Variants in MARF1 observed in about 807,000 individuals in gnomAD.
MARF1 encodes the protein limkain-b1.
Under a neutral mutation model 168.2 loss-of-function variants are expected in MARF1, and 24 were observed. The observed-to-expected ratio is 0.14, with a 90% CI of 0.10 to 0.20. The LOEUF is 0.20. Among genes scored for constraint, MARF1 ranks in the 10% least tolerant of loss-of-function variants. MARF1 has a pLI of 1.00. For synonymous variants in MARF1, 868 were observed against 822.4 expected, an observed-to-expected ratio of 1.06 and a Z score of -0.95; for missense variants, 1,744 against 2,143.6, an observed-to-expected ratio of 0.81 and a Z score of 3.68.
Position 15,596,493 on chromosome 16 carries a change from G to A in MARF1, c.*200C>T, listed in dbSNP as rs2031696917. ...TTCTTCAAATAATTGAAAAAAGAAAGAAAAAGGAAGAAGAAAAGAAAGACT... is the reference window on the plus strand; with the variant it reads ...TTCTTCAAATAATTGAAAAAAGAAAAAAAAAGGAAGAAGAAAAGAAAGACT... On this transcript the variant is annotated 3_prime_UTR_variant, in exon 27 of 27. Transcript: ENST00000396368. 1 of 431,400 alleles carries A rather than the reference G, an allele frequency of 2.3e-6. No individual in the cohort carries two copies. Among genetic ancestry groups the A allele is most frequent in the Non-Finnish European group, 4.0e-6 (1 of 251,140 alleles). The allele number at this position is 431,400 out of a possible 1,614,324, so 26.7% of individuals were successfully genotyped here. A position where few individuals can be genotyped will look rare whatever the true frequency, so the allele number is the denominator to read the frequency against.
rs2035795939 is a variant in MARF1 at position 15,639,310 on chromosome 16, A to T, written c.-58-19T>A. The T allele has an allele frequency of 6.7e-7, 1 of 1,490,882 alleles. No homozygotes were observed. 92.4% of individuals were successfully genotyped at this position (1,490,882 alleles called of 1,614,324 possible). A position where few individuals can be genotyped will look rare whatever the true frequency, so the allele number is the denominator to read the frequency against. On this transcript the variant is annotated intron_variant, in intron 1 of 26. Transcript: ENST00000396368. ...TTCCACCCTGTTAAGAATGAGTAAG[A>T]TTTCAGTGTTATTTCCTTGCATAAG...
intron 2 of MARF1, among the ~76,000 whole-genome samples, chr16:15,637,362 C>G (rs2035667178): frequency 6.6e-6 from 1 of 152,206 alleles, no homozygotes; most frequent in Non-Finnish European, 1.5e-5. Flanking sequence ...ATATGAGGGT[C>G]CATCTGACGC....
chr16:15,596,701 T>C lies in MARF1; in HGVS notation c.5221A>G (p.Lys1741Glu). The C allele has an allele frequency of 6.3e-7, 1 of 1,583,662 alleles. No individual in the cohort carries two copies. Among genetic ancestry groups the C allele is most frequent in the Non-Finnish European group, 8.6e-7 (1 of 1,159,234 alleles). The change falls in exon 27 of 27, where the codon AAG becomes GAG. Residue 1741 changes from lysine (K) to glutamate (E), a missense_variant. Around this residue, in one of 7 missense-constraint regions of MARF1, gnomAD observed 313 missense variants for 337.4 expected, o/e 0.93. Coordinates refer to ENST00000396368, the MANE Select transcript of MARF1 (RefSeq NM_014647.4). ...TATATTCCAAATGGGAGTTAAAGCT[T>C]GGTTATAGGTGCTAAGGAAAAGTTG... ...AANFSLAPIT[K>E]L
intron 12 of MARF1, chr16:15,621,426 T>C (rs2034454247): frequency 5.7e-6 from 2 of 350,086 alleles, no homozygotes; most frequent in Non-Finnish European, 5.2e-6. Context: ...CAAGGTAATA[T>C]TTTAGACTTT....
At position 15,596,238 on chromosome 16, in the gene MARF1, G is replaced by A. The variant is rs2031667973; in HGVS notation, c.*455C>T. On this transcript the variant is annotated 3_prime_UTR_variant, in exon 27 of 27. Coordinates refer to ENST00000396368, the MANE Select transcript of MARF1 (RefSeq NM_014647.4). Reference sequence around the variant, plus strand: ...CTAGCGGGACAGGCTTTGCTTCAAAGACATGCCACGCACTGGGTTAATACT... The same window carrying A: ...CTAGCGGGACAGGCTTTGCTTCAAAAACATGCCACGCACTGGGTTAATACT... The A allele has an allele frequency of 6.5e-6, 1 of 153,052 alleles. No individual in the cohort carries two copies. The highest frequency in any genetic ancestry group is 2.4e-5 in the African/African-American group (1 of 41,446). 9.5% of individuals were successfully genotyped at this position (153,052 alleles called of 1,614,324 possible).
chr16:15,609,936 A>T (rs1183617182), intron 19 of MARF1, among the ~76,000 whole-genome samples: 2 of 152,124 alleles, frequency 1.3e-5, no homozygotes, highest in African/African-American at 2.4e-5. Context: ...AAGTTATGAT[A>T]TTATTATATT....
rs2035553873 is a variant in MARF1 at position 15,635,807 on chromosome 16, G to C, written c.680C>G (p.Ser227Cys). 1.2e-6 allele frequency: 2 copies of C among 1,614,200 alleles called. No homozygotes were observed. The highest frequency in any genetic ancestry group is 1.7e-6 in the Non-Finnish European group (2 of 1,180,028). Residue 227 changes from serine (S) to cysteine (C), a missense_variant, in exon 3 of 27, where the codon TCT (serine) becomes TGT (cysteine). Ser to Cys is a moderately radical substitution (Grantham distance 112). Around this residue, in one of 7 missense-constraint regions of MARF1, gnomAD observed 318 missense variants for 336.6 expected, o/e 0.94. Transcript: ENST00000396368. ...CCCTGGAGCCCCGCTTGTGAAATCA[G>C]AACAGGGGAAATAGCCAGCGGAGGT... ...GCTSAGYFPC[S>C]DFTSGAPGHL...
At chr16:15,630,605 G>A in intron 6 of MARF1, 101 bp from the exon 7 acceptor site, 2 of 1,067,070 alleles carry the variant, frequency 1.9e-6, no homozygotes, top group Non-Finnish European at 2.6e-6. Flanking sequence ...AGGAAAGGCT[G>A]GACTATATTC....
At chr16:15,623,190 A>G (rs1002781252) in intron 10 of MARF1, 67 bp from the exon 11 acceptor site, 61 of 1,271,328 alleles carry the variant, frequency 4.8e-5, no homozygotes, top group Non-Finnish European at 6.2e-5. Flanking sequence ...TTTATCATTT[A>G]GGCTTTGTTT....
At chr16:15,623,366 A>G (rs1343427041) in intron 10 of MARF1, among the ~76,000 whole-genome samples, 1 of 128,598 alleles carries the variant, frequency 7.8e-6, no homozygotes, top group East Asian at 2.3e-4. Flanking sequence ...TGCAACCTCC[A>G]CCTCCTGGAT....
intron 23 of MARF1, chr16:15,601,000 T>G (rs1319459336): frequency 4.7e-6 from 3 of 639,974 alleles, no homozygotes; most frequent in South Asian, 4.5e-5. Flanking sequence ...TAAATTAAGG[T>G]AGTTCTCACA....
At chr16:15,637,751 C>T (rs2151313895) in intron 2 of MARF1, among the ~76,000 whole-genome samples, 1 of 152,358 alleles carries the variant, frequency 6.6e-6, no homozygotes, top group Non-Finnish European at 1.5e-5. Context: ...CCAACCCTCA[C>T]TGTCAACTGT....
intron 21 of MARF1, among the ~76,000 whole-genome samples, chr16:15,606,439 C>T (rs1174496644): frequency 3.3e-5 from 5 of 152,086 alleles, no homozygotes; most frequent in South Asian, 2.1e-4. Context: ...AGTGAGCTCT[C>T]GATACCCCTG....
intron 10 of MARF1, among the ~76,000 whole-genome samples, chr16:15,623,563 G>A (rs1455843587): frequency 1.3e-5 from 2 of 152,092 alleles, no homozygotes; most frequent in Non-Finnish European, 2.9e-5. Context: ...TTACAGGCGT[G>A]AGCCACTGTG....
At chr16:15,614,909 C>T (rs1478177607) in intron 16 of MARF1, among the ~76,000 whole-genome samples, 3 of 152,088 alleles carry the variant, frequency 2.0e-5, no homozygotes, top group Admixed American at 6.5e-5. Context: ...CTCAGCCTCC[C>T]GAGTAGCTGG....
At chr16:15,620,936 G>T (rs184294975) in intron 12 of MARF1, among the ~76,000 whole-genome samples, 16 of 152,076 alleles carry the variant, frequency 1.1e-4, no homozygotes, top group Non-Finnish European at 1.9e-4. Flanking sequence ...ACCAAAAAAC[G>T]CTCAAAGGGA....
intron 7 of MARF1, among the ~76,000 whole-genome samples, chr16:15,627,842 G>A (rs548144213): frequency 2.6e-4 from 39 of 152,268 alleles, no homozygotes; most frequent in African/African-American, 8.4e-4. Context: ...AGATGATGCT[G>A]TTTTTCACTT....
At position 15,596,714 on chromosome 16, in the gene MARF1, T is replaced by A. The variant is rs761505697; in HGVS notation, c.5208A>T (p.Leu1736Phe). 6.2e-7 allele frequency: 1 copy of A among 1,605,950 alleles called. No individual in the cohort carries two copies. The highest frequency in any genetic ancestry group is 8.5e-7 in the Non-Finnish European group (1 of 1,173,390). The change falls in exon 27 of 27, where the codon TTA becomes TTT. Residue 1736 changes from leucine (L) to phenylalanine (F), a missense_variant. Around this residue, in one of 7 missense-constraint regions of MARF1, gnomAD observed 313 missense variants for 337.4 expected, o/e 0.93. Transcript: ENST00000396368. ...GGAGTTAAAGCTTGGTTATAGGTGC[T>A]AAGGAAAAGTTGGCTGCCAATTTGA... The part of the protein sequence containing the change: ...NRVKLAANFS[L>F]APITKL
chr16:15,634,845 A>G lies in MARF1; in HGVS notation c.918T>C (p.Pro306=). 6.2e-7 allele frequency: 1 copy of G among 1,614,126 alleles called. No homozygotes were observed. The highest frequency in any genetic ancestry group is 8.5e-7 in the Non-Finnish European group (1 of 1,179,984). Residue 306 remains proline, a synonymous_variant, in exon 4 of 27, where the codon CCT becomes CCC. Transcript: ENST00000396368. ...PNTQPAPLAV[P]LCNGCGTKGT... is the part of the protein sequence containing the mutation. Reference sequence around the variant, plus strand: ...CTTTGGTTCCACAGCCATTACACAGAGGGACAGCAAGAGGTGCAGGTTGAG... The same window carrying G: ...CTTTGGTTCCACAGCCATTACACAGGGGGACAGCAAGAGGTGCAGGTTGAG...
Sources: gnomAD v4.1 joint callset for allele counts (sites outside exome capture counted in the v4.1 genomes callset) on GRCh38, gnomAD v4.1.1 for gene constraint, gnomAD v4.1.1 regional missense constraint, MANE v1.5 for transcripts, NCBI Gene and HGNC (gene_info 2026-07-23, HGNC 2026-07-21) for gene names.